Variants in USH2A observed in about 807,000 individuals in gnomAD.
USH2A encodes the protein Usher syndrome 2A (autosomal recessive, mild).
Under a neutral mutation model 538.9 loss-of-function variants are expected in USH2A, and 443 were observed. The observed-to-expected ratio is 0.82, with a 90% CI of 0.76 to 0.89. USH2A has a LOEUF of 0.89. Ranked by LOEUF, USH2A falls within the 40% of genes least tolerant of loss-of-function variation. USH2A has a pLI of 0.00. For synonymous variants in USH2A, 2,413 were observed against 2,273.5 expected (o/e 1.06, Z -1.75); for missense variants, 6,633 against 6,324.8 (o/e 1.05, Z -1.65).
chr1:215,781,155 C>T (rs942819312), intron 54 of USH2A, among the ~76,000 whole-genome samples: 5 of 151,768 alleles, frequency 3.3e-5, no homozygotes, highest in Non-Finnish European at 7.4e-5. Flanking sequence ...TCTCTCTATT[C>T]TCCTTCCATG....
chr1:215,670,992 A>G lies in USH2A; in HGVS notation c.14113T>C (p.Phe4705Leu), dbSNP rs1321667334. The G allele has an allele frequency of 6.2e-7, 1 of 1,614,076 alleles. No homozygotes were observed. Among genetic ancestry groups the G allele is most frequent in the South Asian group, 1.1e-5 (1 of 91,092 alleles). ...CTTACCTGATACTCATACTCTGTGA[A>G]AGGCAATAGTTCGGAATCTATAAAA... The part of the protein sequence containing the change: ...TSFIDSELLP[F>L]TEYEYQVWAV... Residue 4705 changes from phenylalanine (F) to leucine (L), a missense_variant, in exon 64 of 72, where the codon TTC becomes CTC. By Grantham distance (22) the Phe-to-Leu change is conservative. Coordinates refer to ENST00000307340, the MANE Select transcript of USH2A (RefSeq NM_206933.4).
intron 15 of USH2A, among the ~76,000 whole-genome samples, chr1:216,214,036 A>G (rs2035297432): frequency 6.6e-6 from 1 of 152,118 alleles, no homozygotes; most frequent in African/African-American, 2.4e-5. Flanking sequence ...ATAATGAAAT[A>G]GAGTCAATGC....
At chr1:215,846,150 T>C in intron 44 of USH2A, 117 bp from the exon 45 acceptor site, 1 of 977,364 alleles carries the variant, frequency 1.0e-6, no homozygotes, top group Non-Finnish European at 1.5e-6. Flanking sequence ...GCCTTTGTTT[T>C]GGAAATGTTA....
chr1:215,823,773 T>A (rs1278357514), intron 47 of USH2A, among the ~76,000 whole-genome samples: 1 of 152,024 alleles, frequency 6.6e-6, no homozygotes, highest in Non-Finnish European at 1.5e-5. Context: ...AAATAGCCTG[T>A]CTCAAGTTTG....
chr1:215,842,810 G>T (rs1358616484), intron 46 of USH2A, among the ~76,000 whole-genome samples: 1 of 151,908 alleles, frequency 6.6e-6, no homozygotes, highest in African/African-American at 2.4e-5. Context: ...GGGCCTGTTG[G>T]GGGGGCATCA....
At chr1:216,224,025 C>A (rs2035513643) in intron 14 of USH2A, among the ~76,000 whole-genome samples, 1 of 152,182 alleles carries the variant, frequency 6.6e-6, no homozygotes, top group Non-Finnish European at 1.5e-5. Flanking sequence ...TGGTGTCCTA[C>A]CCTCTATGGA....
intron 11 of USH2A, among the ~76,000 whole-genome samples, chr1:216,276,586 G>C (rs551108774): frequency 1.3e-5 from 2 of 152,098 alleles, no homozygotes; most frequent in African/African-American, 4.8e-5. Context: ...CAGTGTACTC[G>C]TCTGTTTTCA....
intron 14 of USH2A, among the ~76,000 whole-genome samples, chr1:216,231,534 A>G (rs1417960622): frequency 7.2e-6 from 1 of 138,940 alleles, no homozygotes; most frequent in African/African-American, 2.5e-5. Flanking sequence ...AACAAAAAAC[A>G]TATCAATAAC....
At chr1:216,098,255 C>G (rs756374162) in intron 21 of USH2A, among the ~76,000 whole-genome samples, 7 of 152,184 alleles carry the variant, frequency 4.6e-5, no homozygotes, top group African/African-American at 1.7e-4. Flanking sequence ...GTAAGAGACA[C>G]AATCTCTGTT....
rs554551497 is a variant in USH2A at position 216,353,716 on chromosome 1, T to C, written c.784+11237A>G. On this transcript the variant is annotated intron_variant, in intron 4 of 71. Transcript: ENST00000307340. ...AAGAAAAAAAGGGGTATAAATTAGA[T>C]GTTGTTATAATAGTTCAACATCTGC... is the stretch of plus-strand genomic sequence containing the variant. Among the ~76,000 whole-genome samples, 3 of 152,244 alleles carry C rather than the reference T, an allele frequency of 2.0e-5. No individual in the cohort carries two copies. The East Asian group carries it at 5.8e-4, about 29-fold the overall frequency.
chr1:215,758,081 C>T (rs1660864680), intron 58 of USH2A, among the ~76,000 whole-genome samples: 2 of 151,628 alleles, frequency 1.3e-5, no homozygotes, highest in African/African-American at 2.4e-5. Flanking sequence ...GTCTGGAGTT[C>T]GAGACCAGCC....
intron 44 of USH2A, among the ~76,000 whole-genome samples, chr1:215,863,576 C>T (rs1338765069): frequency 1.3e-5 from 2 of 151,918 alleles, no homozygotes; most frequent in Non-Finnish European, 2.9e-5. Flanking sequence ...TATGCATTTT[C>T]CAGAGTTCAC....
intron 21 of USH2A, among the ~76,000 whole-genome samples, chr1:216,117,787 TAC>T (rs1327179700): frequency 2.0e-5 from 3 of 150,514 alleles, no homozygotes; most frequent in East Asian, 3.9e-4. Flanking sequence ...CAGACACACA[TAC>T]ACACACAGAC....
chr1:216,048,742 A>C, intron 30 of USH2A, 95 bp from the exon 31 acceptor site: 1 of 1,049,500 alleles, frequency 9.5e-7, no homozygotes, highest in Non-Finnish European at 1.5e-6. Flanking sequence ...TATAAGAGAG[A>C]GAGACAAAAA....
At chr1:216,410,475 A>T (rs927641901) in intron 3 of USH2A, among the ~76,000 whole-genome samples, 5 of 152,048 alleles carry the variant, frequency 3.3e-5, no homozygotes, top group Admixed American at 2.6e-4. Context: ...TGGTAGACTG[A>T]TATTTTCTTT....
intron 55 of USH2A, among the ~76,000 whole-genome samples, chr1:215,768,498 T>C (rs1457881180): frequency 6.6e-6 from 1 of 152,208 alleles, no homozygotes; most frequent in Admixed American, 6.5e-5. Flanking sequence ...AGTGATAAGA[T>C]GCAGGCACTT....
In USH2A at chr1:215,728,121, T is replaced by C. The variant is rs909674641; in HGVS notation, c.11975A>G (p.Asn3992Ser). The part of the protein sequence containing the change: ...LLNWTKPESP[N>S]GIISHYRVVY... ...CACACGGTAATGGGAGATAATGCCA[T>C]TGGGAGATTCTGGCTTTGTCCAATT... Residue 3992 changes from asparagine (N) to serine (S), a missense_variant, in exon 61 of 72, where the codon AAT becomes AGT. Transcript: ENST00000307340. The C allele has an allele frequency of 6.2e-7, 1 of 1,614,146 alleles. No homozygotes were observed. Among genetic ancestry groups the C allele is most frequent in the East Asian group, 2.2e-5 (1 of 44,876 alleles).
chr1:215,851,312 C>G (rs1398731393), intron 44 of USH2A, among the ~76,000 whole-genome samples: 1 of 151,808 alleles, frequency 6.6e-6, no homozygotes, highest in African/African-American at 2.4e-5. Context: ...GAAGATTAAC[C>G]AAGAAAAGAA....
At chr1:216,356,443 G>T (rs1307018379) in intron 4 of USH2A, among the ~76,000 whole-genome samples, 2 of 151,894 alleles carry the variant, frequency 1.3e-5, no homozygotes, top group Non-Finnish European at 2.9e-5. Flanking sequence ...AATTTAAAAA[G>T]CAATTATTTG....
Sources: allele counts gnomAD v4.1 joint callset (sites outside exome capture counted in the v4.1 genomes callset), GRCh38; gene constraint gnomAD v4.1.1; transcripts MANE v1.5; gene names NCBI Gene and HGNC (gene_info 2026-07-23, HGNC 2026-07-21).